Variants in SUMF2 observed in about 807,000 individuals in gnomAD.
The protein encoded by SUMF2 is sulfatase modifying factor 2.
Under a neutral mutation model 44.8 loss-of-function variants are expected in SUMF2, and 45 were observed. The observed-to-expected ratio is 1.00, with a 90% CI of 0.79 to 1.29. SUMF2 has a LOEUF of 1.29. Among genes scored for constraint, SUMF2 ranks in the 50% most tolerant of loss-of-function variants. The pLI, the probability that SUMF2 is intolerant of heterozygous loss-of-function variation, is 0.00. For synonymous variants in SUMF2, 148 were observed against 150.4 expected, an observed-to-expected ratio of 0.98 and a Z score of 0.12; for missense variants, 418 against 389.9, an observed-to-expected ratio of 1.07 and a Z score of -0.61.
chr7:56,076,768 T>C, intron 5 of SUMF2, 66 bp from the exon 6 acceptor site: 1 of 1,425,420 alleles, frequency 7.0e-7, no homozygotes. Flanking sequence ...ACTCTTTCTG[T>C]GTTCTTTTTT....
At chr7:56,084,643 G>A (rs1796176086), downstream of SUMF2, among the ~76,000 whole-genome samples, 1 of 151,894 alleles carries the variant, frequency 6.6e-6, no homozygotes. Flanking sequence ...AAAGTGTTGG[G>A]ATTACAGGCG....
At chr7:56,066,463 T>C (rs1562858114) in intron 1 of SUMF2, among the ~76,000 whole-genome samples, 1 of 152,126 alleles carries the variant, frequency 6.6e-6, no homozygotes. Context: ...TTATTTATTT[T>C]GAGACAGAGT....
chr7:56,081,495 AG>A (rs1795988839), downstream of SUMF2: 1 of 1,262,414 alleles, frequency 7.9e-7, no homozygotes, highest in African/African-American at 1.5e-5. This position sits in a 1 kb window ranked among gnomAD's most constrained non-coding sequence, Gnocchi z 4.6. Context: ...CCGTCTTTGA[AG>A]CCATCACAGG....
the SUMF2 span, chr7:56,087,009 G>C: frequency 1.9e-6 from 3 of 1,613,248 alleles, no homozygotes; most frequent in African/African-American, 4.0e-5. Flanking sequence ...GGTCTCATAA[G>C]TGTCCTTCAG....
At chr7:56,084,860 A>G (rs1796188830), downstream of SUMF2, among the ~76,000 whole-genome samples, 1 of 152,184 alleles carries the variant, frequency 6.6e-6, no homozygotes, top group East Asian at 1.9e-4. Flanking sequence ...GCAGCATTAA[A>G]AATAGCTTCC....
the SUMF2 span, among the ~76,000 whole-genome samples, chr7:56,086,063 C>G: frequency 6.6e-6 from 1 of 151,726 alleles, no homozygotes; most frequent in East Asian, 2.0e-4. Flanking sequence ...GCCTGCAGGA[C>G]CTGGTCTTTG....
Position 56,068,490 on chromosome 7 carries a change from C to T in SUMF2, c.76C>T (p.Gln26Ter), listed in dbSNP as rs373775303. 27 of 1,602,886 alleles carry T rather than the reference C, an allele frequency of 1.7e-5. No homozygotes were observed. The African/African-American group carries it at 2.6e-4, about 15-fold the overall frequency. ...VGAWLKLGNG[Q>*]ATSMVQLQGG... is the part of the protein sequence containing the mutation. ...CTCTTTTTTCTCTGCAGGAAATGGA[C>T]AGGCTACTAGCATGGTCCAACTGCA... Residue 26 changes from glutamine (Q) to a stop codon, truncating the protein, a stop_gained, in exon 2 of 9, where the codon CAG becomes TAG. Transcript: ENST00000434526. LOFTEE classifies it high-confidence loss of function.
intron 4 of SUMF2, 77 bp from the exon 5 acceptor site, chr7:56,074,509 C>T (rs1423418336): frequency 7.7e-6 from 12 of 1,558,904 alleles, no homozygotes; most frequent in Middle Eastern, 3.6e-4. Flanking sequence ...AAAAGCTGAA[C>T]GCGGGCGCCC....
chr7:56,087,131 C>T, the SUMF2 span: 1 of 812,430 alleles, frequency 1.2e-6, no homozygotes. Flanking sequence ...ACTTCAAAAG[C>T]TGACAGGGGA....
chr7:56,084,108 G>T (rs910856106), downstream of SUMF2: 1 of 1,110,076 alleles, frequency 9.0e-7, no homozygotes, highest in Admixed American at 2.0e-5. Context: ...AAGTGACCAG[G>T]GAAGCAATGG....
chr7:56,083,967 G>A (rs1017942148), downstream of SUMF2, among the ~76,000 whole-genome samples: 4 of 152,120 alleles, frequency 2.6e-5, no homozygotes, highest in African/African-American at 9.7e-5. Flanking sequence ...CGAGGAATAG[G>A]CCTAGGTTTC....
chr7:56,076,799 C>T, intron 5 of SUMF2, 35 bp from the exon 6 acceptor site: 1 of 1,561,918 alleles, frequency 6.4e-7, no homozygotes, highest in African/African-American at 1.4e-5. Flanking sequence ...TTCTTCACCT[C>T]CCCCTCCTCT....
At position 56,079,820 on chromosome 7, in the gene SUMF2, G is replaced by A; in HGVS notation, c.*208G>A. 1 of 1,552,252 alleles carries A rather than the reference G, an allele frequency of 6.4e-7. No individual in the cohort carries two copies. Among genetic ancestry groups the A allele is most frequent in the Non-Finnish European group, 8.7e-7 (1 of 1,147,112 alleles). ...GTTTTGGAGAAGGGGCCCAATGTGT[G>A]TTGACGATGGCTGGGGGCCAGGTGT... On this transcript the variant is annotated 3_prime_UTR_variant, in exon 9 of 9. Transcript: ENST00000434526.
chr7:56,066,674 G>A (rs1214198398), intron 1 of SUMF2, among the ~76,000 whole-genome samples: 1 of 152,226 alleles, frequency 6.6e-6, no homozygotes, highest in African/African-American at 2.4e-5. Flanking sequence ...AGGCCGGAGT[G>A]CAGTGGCGTG....
chr7:56,065,555 C>A (rs1584564050), intron 1 of SUMF2, among the ~76,000 whole-genome samples: 1 of 152,192 alleles, frequency 6.6e-6, no homozygotes, highest in African/African-American at 2.4e-5. Flanking sequence ...TTTCTTAATT[C>A]CGATTCAATC....
chr7:56,069,280 A>G lies in SUMF2; in HGVS notation c.224+642A>G, dbSNP rs535123907. Among the ~76,000 whole-genome samples, 9 of 152,092 alleles carry G rather than the reference A, an allele frequency of 5.9e-5. No homozygotes were observed. In the South Asian group the frequency reaches 1.5e-3, roughly 25 times the overall value. ...TCTTCTACATGGGGAAGGGATTGGGAGAAGGGACATCATAGTAGAGAGTCC... is the reference window on the plus strand; with the variant it reads ...TCTTCTACATGGGGAAGGGATTGGGGGAAGGGACATCATAGTAGAGAGTCC... On this transcript the variant is annotated intron_variant, in intron 2 of 8. Coordinates refer to ENST00000434526, the MANE Select transcript of SUMF2 (RefSeq NM_015411.4).
At position 56,073,079 on chromosome 7, in the gene SUMF2, G is replaced by A; in HGVS notation, c.307G>A (p.Glu103Lys). The change falls in exon 3 of 9, where the codon GAG (glutamate) becomes AAG (lysine). Residue 103 changes from glutamate (E) to lysine (K), a missense_variant. Physicochemically the swap from Glu to Lys is moderately conservative, Grantham distance 56. Transcript: ENST00000434526. ...TGTCTTTGAGGACTTTGTCTCTGATGAGCTGAGAAACAAAGCCACCCAGCC... is the reference window on the plus strand; with the variant it reads ...TGTCTTTGAGGACTTTGTCTCTGATAAGCTGAGAAACAAAGCCACCCAGCC... Reference protein sequence around the residue: ...SFVFEDFVSDELRNKATQPMK... With the variant: ...SFVFEDFVSDKLRNKATQPMK... 6.2e-7 allele frequency: 1 copy of A among 1,614,126 alleles called. No homozygotes were observed.
At chr7:56,084,119 G>C, downstream of SUMF2, 1 of 1,242,428 alleles carries the variant, frequency 8.0e-7, no homozygotes, top group Non-Finnish European at 1.1e-6. Context: ...GAAGCAATGG[G>C]CCCCGAGCTG....
intron 2 of SUMF2, among the ~76,000 whole-genome samples, chr7:56,069,256 C>T (rs1246058993): frequency 6.6e-5 from 10 of 152,036 alleles, no homozygotes; most frequent in Non-Finnish European, 1.3e-4. Context: ...ACAGAAACCT[C>T]TTCTACATGG....
Sources: allele counts gnomAD v4.1 joint callset (sites outside exome capture counted in the v4.1 genomes callset), GRCh38; gene constraint gnomAD v4.1.1; non-coding constraint Gnocchi (gnomAD v3.1); transcripts MANE v1.5; gene names NCBI Gene and HGNC (gene_info 2026-07-23, HGNC 2026-07-21).